Variants in ARHGEF4 observed in about 807,000 individuals in gnomAD.
ARHGEF4 encodes the protein APC-stimulated guanine nucleotide exchange factor 1.
In ARHGEF4, 119 loss-of-function variants were observed where a neutral mutation model predicts 162.0. That is an observed-to-expected ratio of 0.73 (90% confidence interval 0.63 to 0.86). The LOEUF (loss-of-function observed/expected upper bound fraction) is 0.86. Among genes scored for constraint, ARHGEF4 ranks in the 40% least tolerant of loss-of-function variants. ARHGEF4 has a pLI of 0.00. For synonymous variants in ARHGEF4, 1,014 were observed against 979.9 expected (o/e 1.03, Z -0.65); for missense variants, 2,488 against 2,456.0 (o/e 1.01, Z -0.28).
rs1346917932 is a variant in ARHGEF4, at chr2:130,921,230, G to A, written c.3552+3732G>A. The stretch of plus-strand genomic sequence containing the variant: ...AAGAATCATCCTGTGGACTGGGTGC[G>A]GTGGCTCACGCCTGTAATCCTAGCA... On this transcript the variant is annotated intron_variant, in intron 2 of 13. Coordinates refer to ENST00000409359, the MANE Select transcript of ARHGEF4 (RefSeq NM_001367493.1). Among the ~76,000 whole-genome samples, 5 of 152,164 alleles carry A rather than the reference G, an allele frequency of 3.3e-5. No individual in the cohort carries two copies. The East Asian group carries it at 9.6e-4, about 29-fold the overall frequency.
intron 1 of ARHGEF4, among the ~76,000 whole-genome samples, chr2:130,843,202 G>A (rs763310988): frequency 1.3e-5 from 2 of 152,152 alleles, no homozygotes; most frequent in Admixed American, 6.5e-5. Context: ...CATGGTGTAT[G>A]ACTGAGAAAT....
Position 130,916,917 on chromosome 2 carries a change from C to T in ARHGEF4, c.2971C>T (p.Arg991Trp), listed in dbSNP as rs1286994651. The T allele has an allele frequency of 3.2e-6, 5 of 1,550,618 alleles. No homozygotes were observed. The Admixed American group carries it at 5.9e-5, about 18-fold the overall frequency. ...PAETDSHCEE[R>W]AEDKEGYVFS... ...AGAGACCGACAGCCACTGTGAGGAACGGGCGGAGGACAAAGAGGGCTATGT... is the reference window on the plus strand; with the variant it reads ...AGAGACCGACAGCCACTGTGAGGAATGGGCGGAGGACAAAGAGGGCTATGT... The change falls in exon 2 of 14, where the codon CGG (arginine) becomes TGG (tryptophan). Residue 991 changes from arginine (R) to tryptophan (W), a missense_variant. By Grantham distance (101) the Arg-to-Trp change is moderately radical (BLOSUM62 -3). This residue lies in a region of ARHGEF4 where 1,642 missense variants were observed against 1,481.5 expected (regional missense o/e 1.11). Coordinates refer to ENST00000409359, the MANE Select transcript of ARHGEF4 (RefSeq NM_001367493.1).
chr2:130,945,528 C>G (rs1269472948), intron 3 of ARHGEF4, among the ~76,000 whole-genome samples: 1 of 152,068 alleles, frequency 6.6e-6, no homozygotes, highest in Non-Finnish European at 1.5e-5. Flanking sequence ...CCCTCATACC[C>G]TTAAGGACCC....
In ARHGEF4 at chr2:130,914,202, A is replaced by AG. The variant is rs1559035245; in HGVS notation, c.260dup (p.Val88SerfsTer20). On this transcript the variant is annotated frameshift_variant, in exon 2 of 14. Transcript: ENST00000409359. LOFTEE classifies it high-confidence loss of function. ...AGAGTCCTTGTCTGGGTACCTCCCG[A>AG]GGGGAGTCTTCCACCCTCTAAGAGG... 6 of 1,536,062 alleles carry AG rather than the reference A, an allele frequency of 3.9e-6. No individual in the cohort carries two copies. The highest frequency in any genetic ancestry group is 2.0e-5 in the Admixed American group (1 of 51,004).
At chr2:130,923,706 A>G (rs1206637512) in intron 2 of ARHGEF4, among the ~76,000 whole-genome samples, 1 of 152,114 alleles carries the variant, frequency 6.6e-6, no homozygotes, top group Admixed American at 6.5e-5. Flanking sequence ...ACGGTGGGGC[A>G]CCCTTGGCTT....
At chr2:130,924,557 C>T (rs1170446346) in intron 2 of ARHGEF4, among the ~76,000 whole-genome samples, 4 of 152,160 alleles carry the variant, frequency 2.6e-5, no homozygotes, top group South Asian at 2.1e-4. Context: ...CAGACCAGCA[C>T]GAGGCAGTCC....
chr2:130,905,170 C>T (rs1051270030), intron 1 of ARHGEF4, among the ~76,000 whole-genome samples: 14 of 152,296 alleles, frequency 9.2e-5, no homozygotes, highest in Non-Finnish European at 1.5e-4. Context: ...ATAGAATACA[C>T]AAAATTATCG....
rs1055283529 is a variant in ARHGEF4, at chr2:131,047,251, T to G, written c.*1062T>G. On this transcript the variant is annotated 3_prime_UTR_variant, in exon 14 of 14. Coordinates refer to ENST00000409359, the MANE Select transcript of ARHGEF4 (RefSeq NM_001367493.1). Reference sequence around the variant, plus strand: ...ATTTCATAAATAAATTTATGAAAAGTAACCTGGCTGCTAGCCCGTTTTCTG... The same window carrying G: ...ATTTCATAAATAAATTTATGAAAAGGAACCTGGCTGCTAGCCCGTTTTCTG... The G allele has an allele frequency of 5.3e-5, 8 of 152,270 alleles. No individual in the cohort carries two copies. The highest frequency in any genetic ancestry group is 1.9e-4 in the African/African-American group (8 of 41,466). 9.4% of individuals were successfully genotyped at this position (152,270 alleles called of 1,614,324 possible).
chr2:130,936,153 G>C (rs533214771), intron 3 of ARHGEF4, among the ~76,000 whole-genome samples: 3 of 152,312 alleles, frequency 2.0e-5, no homozygotes, highest in African/African-American at 7.2e-5. Context: ...AGAAGAATGT[G>C]TATTCTGTTG....
intron 2 of ARHGEF4, among the ~76,000 whole-genome samples, chr2:130,925,649 A>G (rs67239160): frequency 0.23 from 35,627 of 152,114 alleles, 4,926 homozygotes; most frequent in African/African-American, 0.38. Flanking sequence ...GAAAAGTTTT[A>G]TGTCACTTCC....
intron 8 of ARHGEF4, 148 bp from the exon 9 acceptor site, chr2:131,041,082 G>T: frequency 1.5e-6 from 1 of 673,736 alleles, no homozygotes; most frequent in Non-Finnish European, 2.5e-6. Flanking sequence ...TATGCCCCAG[G>T]GAAATAGGTA....
chr2:130,867,802 C>T (rs544539540), intron 1 of ARHGEF4, among the ~76,000 whole-genome samples: 8 of 152,316 alleles, frequency 5.3e-5, no homozygotes, highest in African/African-American at 1.9e-4. Context: ...CTTCACGTTC[C>T]AGCCTTCTCC....
In ARHGEF4 at chr2:131,040,069, C is replaced by T. The variant is rs771980255; in HGVS notation, c.4359C>T (p.Asn1453=). 9 of 1,597,960 alleles carry T rather than the reference C, an allele frequency of 5.6e-6. No individual in the cohort carries two copies. The highest frequency in any genetic ancestry group is 1.1e-5 in the South Asian group (1 of 89,062). ...PADDDAPLAG[N]SGAEDGGAEA... ...ATGACGACGCCCCTCTGGCCGGGAA[C>T]AGCGGAGCGGAGGACGGCGGGGCGG... The change falls in exon 7 of 14, where the codon AAC becomes AAT. Residue 1453 remains asparagine, a synonymous_variant. Transcript: ENST00000409359.
chr2:131,040,539 A>T, intron 8 of ARHGEF4, 99 bp downstream of exon 8: 1 of 1,339,628 alleles, frequency 7.5e-7, no homozygotes, highest in Non-Finnish European at 1.0e-6. Context: ...AAAACCTTCC[A>T]CAACGCCTGG....
chr2:130,961,516 A>T (rs143032450), intron 4 of ARHGEF4, among the ~76,000 whole-genome samples: 87 of 152,236 alleles, frequency 5.7e-4, no homozygotes, highest in African/African-American at 2.1e-3. Context: ...GGACAGGAGG[A>T]GGAAGAGAAA....
rs117204586 is a variant in ARHGEF4 at position 130,885,854 on chromosome 2, G to C, written c.40-28132G>C. 2.6e-5 allele frequency among the ~76,000 whole-genome samples: 4 copies of C among 152,074 alleles called. No homozygotes were observed. The East Asian group carries it at 7.7e-4, about 29-fold the overall frequency. ...CAAAGTAATGGGACTACAGGTGTGA[G>C]CCACCATGCCCGGCCTTTTCTTCTT... is the stretch of plus-strand genomic sequence containing the variant. On this transcript the variant is annotated intron_variant, in intron 1 of 13. Transcript: ENST00000409359.
chr2:130,847,187 G>A (rs1342807920), intron 1 of ARHGEF4, among the ~76,000 whole-genome samples: 1 of 152,252 alleles, frequency 6.6e-6, no homozygotes, highest in East Asian at 1.9e-4. Flanking sequence ...CCAGAAGCAG[G>A]CTACCCTTCC....
intron 1 of ARHGEF4, among the ~76,000 whole-genome samples, chr2:130,909,663 A>G (rs923014364): frequency 6.6e-5 from 10 of 152,290 alleles, no homozygotes; most frequent in Non-Finnish European, 1.5e-5. Flanking sequence ...TTGTAAAAAA[A>G]AAAAGTAAAT....
At chr2:130,962,135 A>C (rs1684661853) in intron 4 of ARHGEF4, among the ~76,000 whole-genome samples, 1 of 151,440 alleles carries the variant, frequency 6.6e-6, no homozygotes, top group African/African-American at 2.4e-5. Context: ...GCTACGTGGG[A>C]GGCTGAGGCA....
Sources: gnomAD v4.1 joint callset for allele counts (sites outside exome capture counted in the v4.1 genomes callset) on GRCh38, gnomAD v4.1.1 for gene constraint, gnomAD v4.1.1 regional missense constraint, MANE v1.5 for transcripts, NCBI Gene and HGNC (gene_info 2026-07-23, HGNC 2026-07-21) for gene names.